IL18BP: variants seen among roughly 807,000 people sequenced by gnomAD.
IL18BP encodes the protein interleukin-18-binding protein.
A neutral mutation model predicts 19.9 loss-of-function variants in IL18BP; 23 were observed. The ratio of observed to expected loss-of-function variants is 1.15; its 90% confidence interval spans 0.83 to 1.64. IL18BP has a LOEUF of 1.64. Among genes scored for constraint, IL18BP ranks in the 40% most tolerant of loss-of-function variants. IL18BP has a pLI of 0.00. For synonymous variants in IL18BP, 107 were observed against 101.0 expected (o/e 1.06, Z -0.35); for missense variants, 239 against 240.7 (o/e 0.99, Z 0.05).
chr11:72,002,843 C>T (rs939550308), downstream of IL18BP: 5 of 204,618 alleles, frequency 2.4e-5, no homozygotes, highest in Non-Finnish European at 3.0e-5. Flanking sequence ...TTTTCCCACA[C>T]CGATCAAGTC....
At chr11:72,006,600 C>G (rs1955732188), downstream of IL18BP, among the ~76,000 whole-genome samples, 1 of 152,196 alleles carries the variant, frequency 6.6e-6, no homozygotes, top group Non-Finnish European at 1.5e-5. Flanking sequence ...TAGGAAGTAT[C>G]AGAGCTGGGG....
At chr11:72,000,589 G>A in intron 3 of IL18BP, 32 bp downstream of exon 3, 1 of 1,580,474 alleles carries the variant, frequency 6.3e-7, no homozygotes, top group Non-Finnish European at 8.6e-7. Flanking sequence ...GGTGGGCTAT[G>A]GGCACAGAGG....
chr11:72,003,525 C>T, downstream of IL18BP: 2 of 1,614,124 alleles, frequency 1.2e-6, no homozygotes, highest in African/African-American at 1.3e-5. Flanking sequence ...GGTACTGGCC[C>T]TTTAGTGCTT....
chr11:72,007,584 A>G (rs1955828923), downstream of IL18BP: 4 of 998,566 alleles, frequency 4.0e-6, no homozygotes, highest in Non-Finnish European at 4.5e-6. Flanking sequence ...TACCAAGGAA[A>G]GCACTTGACC....
chr11:72,005,901 G>A, downstream of IL18BP: 2 of 735,096 alleles, frequency 2.7e-6, no homozygotes, highest in Non-Finnish European at 4.5e-6. Context: ...GCTGCAGGAA[G>A]GAGGGGCAGG....
downstream of IL18BP, chr11:72,004,835 T>TG: frequency 6.4e-7 from 1 of 1,550,712 alleles, no homozygotes; most frequent in Non-Finnish European, 8.7e-7. Context: ...GTGGAAGAGG[T>TG]GGTCAGTGGA....
At chr11:72,002,985 G>A (rs968022693), downstream of IL18BP, 8 of 234,864 alleles carry the variant, frequency 3.4e-5, no homozygotes, top group African/African-American at 1.5e-4. Flanking sequence ...GGAAGGTAGG[G>A]TGTGAGCTGC....
downstream of IL18BP, chr11:72,004,575 C>T: frequency 2.6e-6 from 4 of 1,528,274 alleles, no homozygotes; most frequent in Admixed American, 1.9e-5. Flanking sequence ...TCCCTTTAGT[C>T]CTTGGTGAGC....
chr11:72,005,642 A>T, downstream of IL18BP: 4 of 515,480 alleles, frequency 7.8e-6, no homozygotes, highest in Middle Eastern at 9.9e-4. Context: ...GGTGGCCAAC[A>T]CCCAGAGGAA....
chr11:72,001,367 G>C (rs1298649230), intron 4 of IL18BP, 38 bp from the exon 5 acceptor site: 1 of 1,614,220 alleles, frequency 6.2e-7, no homozygotes. Context: ...GAGGCCTTCT[G>C]CGGCCTTCTC....
downstream of IL18BP, chr11:72,004,952 A>G (rs1446375467): frequency 2.2e-6 from 2 of 911,232 alleles, no homozygotes; most frequent in Admixed American, 6.3e-5. Flanking sequence ...AGAAAGACAC[A>G]AGGCCTCCTT....
rs1199628955 is a variant in IL18BP at position 72,002,627 on chromosome 11, T to G, written c.*766T>G. 6.2e-6 allele frequency: 1 copy of G among 160,984 alleles called. No individual in the cohort carries two copies. The highest frequency in any genetic ancestry group is 1.4e-5 in the Non-Finnish European group (1 of 73,186). 10.0% of individuals were successfully genotyped at this position (160,984 alleles called of 1,614,324 possible). On this transcript the variant is annotated 3_prime_UTR_variant, in exon 6 of 6. Transcript: ENST00000393703. ...GAGAGAGGGACTGCCACACAGAAGC[T>G]GAAGACAACACCTGCTTCAGGGGAA...
chr11:72,002,835 T>C (rs1590839773), downstream of IL18BP: 1 of 201,684 alleles, frequency 5.0e-6, no homozygotes, highest in East Asian at 7.6e-5. Flanking sequence ...ATTCCTCTTT[T>C]TCCCACACCG....
At chr11:72,007,493 G>C, downstream of IL18BP, 1 of 1,590,590 alleles carries the variant, frequency 6.3e-7, no homozygotes, top group Non-Finnish European at 8.5e-7. Flanking sequence ...ATTTTGTCCA[G>C]CCCTTTTTGA....
downstream of IL18BP, chr11:72,004,750 G>A (rs11538643): frequency 3.5e-5 from 57 of 1,610,266 alleles, no homozygotes; most frequent in African/African-American, 4.9e-4. Flanking sequence ...CTGGCTCGGC[G>A]CAGGGTCTCT....
intron 1 of IL18BP, chr11:71,999,257 A>G: frequency 4.6e-6 from 2 of 435,982 alleles, no homozygotes; most frequent in South Asian, 1.7e-5. Flanking sequence ...CTTGAATGTC[A>G]GTGTGAAGGT....
downstream of IL18BP, among the ~76,000 whole-genome samples, chr11:72,005,057 A>ACTT (rs1366875650): frequency 6.6e-6 from 1 of 152,018 alleles, no homozygotes; most frequent in Admixed American, 6.6e-5. Flanking sequence ...ACCCCAAGGG[A>ACTT]CTTCACCCCT....
downstream of IL18BP, chr11:72,004,701 G>T: frequency 1.9e-6 from 3 of 1,613,850 alleles, no homozygotes; most frequent in Non-Finnish European, 2.5e-6. Flanking sequence ...CTGCCGGGTG[G>T]TGATGCCAGT....
chr11:72,005,951 T>G (rs1167464621), downstream of IL18BP: 1 of 1,212,312 alleles, frequency 8.2e-7, no homozygotes, highest in African/African-American at 1.5e-5. Flanking sequence ...CTTGGATTTT[T>G]AAAAAGCTTT....
Sources: gnomAD v4.1 joint callset for allele counts (sites outside exome capture counted in the v4.1 genomes callset) on GRCh38, gnomAD v4.1.1 for gene constraint, MANE v1.5 for transcripts, NCBI Gene and HGNC (gene_info 2026-07-23, HGNC 2026-07-21) for gene names.